TDP1: variants seen among roughly 807,000 people sequenced by gnomAD.
TDP1 encodes the protein tyr-DNA phosphodiesterase 1.
Under a neutral mutation model 81.5 loss-of-function variants are expected in TDP1, and 64 were observed. That is an observed-to-expected ratio of 0.79 (90% confidence interval 0.64 to 0.97). TDP1 has a LOEUF of 0.97. Ranked by LOEUF, TDP1 falls within the 50% of genes least tolerant of loss-of-function variation. The probability of loss-of-function intolerance (pLI) is 0.00; values close to 1 mark genes in which losing one functional copy is unlikely to be tolerated. For synonymous variants in TDP1, 256 were observed against 264.3 expected, an observed-to-expected ratio of 0.97 and a Z score of 0.30; for missense variants, 723 against 743.8, an observed-to-expected ratio of 0.97 and a Z score of 0.33.
chr14:90,037,380 A>C (rs1196521800), intron 16 of TDP1, among the ~76,000 whole-genome samples: 1 of 151,610 alleles, frequency 6.6e-6, no homozygotes, highest in African/African-American at 2.4e-5. Flanking sequence ...GGACTTAATA[A>C]ATTGTATGAC....
chr14:89,985,006 C>A, intron 9 of TDP1, 126 bp from the exon 10 acceptor site: 1 of 1,351,662 alleles, frequency 7.4e-7, no homozygotes, highest in Non-Finnish European at 1.0e-6. Context: ...AGAGTCAATT[C>A]AAGAAAATGG....
In TDP1 at chr14:90,043,510, G is replaced by T; in HGVS notation, c.*367G>T. On this transcript the variant is annotated 3_prime_UTR_variant, in exon 17 of 17. Transcript: ENST00000335725. ...AGCATAATGAGATATCTTGGGAATG[G>T]GACCCAAATCTAAACACAAAATTCA... 3.0e-6 allele frequency: 1 copy of T among 336,478 alleles called. No homozygotes were observed. Among genetic ancestry groups the T allele is most frequent in the Non-Finnish European group, 5.6e-6 (1 of 178,938 alleles). 20.8% of individuals were successfully genotyped at this position (336,478 alleles called of 1,614,324 possible). A position where few individuals can be genotyped will look rare whatever the true frequency, so the allele number is the denominator to read the frequency against.
intron 16 of TDP1, 28 bp downstream of exon 16, chr14:90,033,242 G>A (rs1400735376): frequency 7.8e-7 from 1 of 1,282,948 alleles, no homozygotes; most frequent in South Asian, 1.2e-5. Context: ...GAAAACCACG[G>A]GTGGATATGC....
chr14:89,989,206 TTTGGC>T, intron 11 of TDP1, 116 bp downstream of exon 11: 3 of 1,386,222 alleles, frequency 2.2e-6, no homozygotes, highest in Non-Finnish European at 2.9e-6. Context: ...TTTTTTTTTT[TTTGGC>T]GTGGCGGGGG....
chr14:89,973,927 G>A (rs1218078072), intron 6 of TDP1, among the ~76,000 whole-genome samples: 1 of 152,084 alleles, frequency 6.6e-6, no homozygotes, highest in Non-Finnish European at 1.5e-5. Flanking sequence ...GGAGAGGGAG[G>A]AAGACAGACA....
At chr14:89,970,887 G>A in intron 5 of TDP1, 1 of 381,228 alleles carries the variant, frequency 2.6e-6, no homozygotes, top group Non-Finnish European at 3.6e-6. Context: ...CACCCAGGCT[G>A]GAGTGCAGTG....
At chr14:89,971,901 A>C (rs769178006) in intron 6 of TDP1, among the ~76,000 whole-genome samples, 3 of 148,812 alleles carry the variant, frequency 2.0e-5, no homozygotes, top group Non-Finnish European at 2.9e-5. Flanking sequence ...GTAGTCCTTC[A>C]ACTGTAGTTC....
rs1896816561 is a variant in TDP1, at chr14:89,998,370, C to CT, written c.1541+4887_1541+4888insT. Among the ~76,000 whole-genome samples, 5 of 98,302 alleles carry CT rather than the reference C, an allele frequency of 5.1e-5. No homozygotes were observed. The East Asian group carries it at 7.6e-4, about 15-fold the overall frequency. 64.5% of individuals were successfully genotyped at this position (98,302 alleles called of 152,430 possible). ...GCAGTTCCAGGCACAGTTCCAAGCA[C>CT]ATTATATATATATATATATATATAT... On this transcript the variant is annotated intron_variant, in intron 14 of 16. Transcript: ENST00000335725.
intron 7 of TDP1, among the ~76,000 whole-genome samples, chr14:89,979,715 G>A (rs944760250): frequency 6.6e-6 from 1 of 152,090 alleles, no homozygotes; most frequent in African/African-American, 2.4e-5. Context: ...GCTTACCTAG[G>A]GTCAAAGGGC....
chr14:90,002,553 A>G (rs555489189), intron 14 of TDP1, among the ~76,000 whole-genome samples: 1 of 152,252 alleles, frequency 6.6e-6, no homozygotes, highest in South Asian at 2.1e-4. Flanking sequence ...TGTGTAACAC[A>G]TCCATATAAA....
intron 14 of TDP1, among the ~76,000 whole-genome samples, chr14:90,013,596 G>A (rs751819597): frequency 6.6e-6 from 1 of 152,194 alleles, no homozygotes; most frequent in African/African-American, 2.4e-5. Flanking sequence ...ATCCAGCCTC[G>A]GGTATGTCTT....
At chr14:89,984,128 A>T (rs1335710568) in intron 8 of TDP1, 1 of 985,360 alleles carries the variant, frequency 1.0e-6, no homozygotes, top group South Asian at 4.7e-5. Flanking sequence ...CACTAGTAGC[A>T]TGGATTTGCT....
rs145520762 is a variant in TDP1, at chr14:90,033,196, G to A, written c.1735G>A (p.Glu579Lys). 9.3e-5 allele frequency: 149 copies of A among 1,604,524 alleles called. No homozygotes were observed. In the African/African-American group the frequency reaches 1.8e-3, roughly 19 times the overall value. Residue 579 changes from glutamate to lysine, a missense_variant, in exon 16 of 17, where the codon GAA becomes AAA. Glu to Lys is a moderately conservative substitution (Grantham distance 56). Transcript: ENST00000335725. Reference sequence around the variant, plus strand: ...TCCTGTGCCATATGATTTGCCTCCAGAACTGTATGGAAGTAAAGGTGAGAC... The same window carrying A: ...TCCTGTGCCATATGATTTGCCTCCAAAACTGTATGGAAGTAAAGGTGAGAC... Reference protein sequence around the residue: ...TFPVPYDLPPELYGSKDRPWI... With the variant: ...TFPVPYDLPPKLYGSKDRPWI...
At chr14:90,025,089 G>A (rs1009740154) in intron 15 of TDP1, among the ~76,000 whole-genome samples, 1 of 152,192 alleles carries the variant, frequency 6.6e-6, no homozygotes, top group African/African-American at 2.4e-5. Context: ...GTCACTTGCT[G>A]TGTTCTGAGG....
chr14:90,009,175 A>G (rs1463127738), intron 14 of TDP1, among the ~76,000 whole-genome samples: 1 of 152,228 alleles, frequency 6.6e-6, no homozygotes, highest in African/African-American at 2.4e-5. Flanking sequence ...AACTATAAAA[A>G]TTATCTGTGA....
At position 89,993,253 on chromosome 14, in the gene TDP1, A is replaced by G. The variant is rs532310257; in HGVS notation, c.1434-123A>G. Reference sequence around the variant, plus strand: ...AGTTTCATAAAATCTCACAGGTCACAGAGTCGTGTAGCCACTGTTGATTTT... The same window carrying G: ...AGTTTCATAAAATCTCACAGGTCACGGAGTCGTGTAGCCACTGTTGATTTT... On this transcript the variant is annotated intron_variant, in intron 13 of 16. Transcript: ENST00000335725. The G allele has an allele frequency of 6.5e-5, 82 of 1,270,852 alleles. No homozygotes were observed. In the African/African-American group the frequency reaches 9.4e-4, roughly 15 times the overall value. 78.7% of individuals were successfully genotyped at this position (1,270,852 alleles called of 1,614,324 possible). A position where few individuals can be genotyped will look rare whatever the true frequency, so the allele number is the denominator to read the frequency against.
At chr14:89,976,210 A>ATCC (rs34233744) in intron 7 of TDP1, among the ~76,000 whole-genome samples, 5,843 of 151,928 alleles carry the variant, frequency 0.038, 373 homozygotes, top group African/African-American at 0.13. Flanking sequence ...GGCTTAAGCA[A>ATCC]TCCTCCCACC....
chr14:90,028,907 A>T (rs1886949322), intron 15 of TDP1, among the ~76,000 whole-genome samples: 1 of 152,188 alleles, frequency 6.6e-6, no homozygotes, highest in African/African-American at 2.4e-5. Flanking sequence ...ATCAGGACTA[A>T]TAGGAGCTAA....
At chr14:89,959,365 T>C (rs1008714466) in intron 2 of TDP1, among the ~76,000 whole-genome samples, 1 of 152,230 alleles carries the variant, frequency 6.6e-6, no homozygotes, top group Non-Finnish European at 1.5e-5. Context: ...CCAGAGCCTC[T>C]ATGAGGGAAG....
Sources: gnomAD v4.1 joint callset for allele counts (sites outside exome capture counted in the v4.1 genomes callset) on GRCh38, gnomAD v4.1.1 for gene constraint, MANE v1.5 for transcripts, NCBI Gene and HGNC (gene_info 2026-07-23, HGNC 2026-07-21) for gene names.